The following CDK17 variants were observed in gnomAD, a reference collection of about 807,000 sequenced individuals.
CDK17 encodes cyclin-dependent kinase 17.
A neutral mutation model predicts 77.6 loss-of-function variants in CDK17; 24 were observed. That is an observed-to-expected ratio of 0.31 (90% CI 0.22 to 0.44). The LOEUF is 0.44. Among genes scored for constraint, CDK17 ranks in the 20% least tolerant of loss-of-function variants. The pLI, the probability that CDK17 is intolerant of heterozygous loss-of-function variation, is 1.00. For missense variants in CDK17, 429 were observed against 622.5 expected, an observed-to-expected ratio of 0.69 and a Z score of 3.31; for synonymous variants, 203 against 210.4, an observed-to-expected ratio of 0.96 and a Z score of 0.30.
chr12:96,344,136 A>G (rs1953163327), intron 1 of CDK17, among the ~76,000 whole-genome samples: 1 of 152,198 alleles, frequency 6.6e-6, no homozygotes. Context: ...AGGCAATTAA[A>G]ATTATCCAGT....
At chr12:96,282,770 C>T (rs984095926) in intron 14 of CDK17, among the ~76,000 whole-genome samples, 171 bp from the exon 15 acceptor site, 14 of 152,174 alleles carry the variant, frequency 9.2e-5, no homozygotes, top group African/African-American at 3.1e-4. Flanking sequence ...TAATTTGAGT[C>T]GCTGCTGAGA....
intron 1 of CDK17, among the ~76,000 whole-genome samples, chr12:96,352,604 T>G (rs1953328443): frequency 6.6e-6 from 1 of 152,128 alleles, no homozygotes; most frequent in Non-Finnish European, 1.5e-5. Context: ...ATACCAGTGG[T>G]AAACTAAAGA....
At chr12:96,352,591 C>G (rs1432060257) in intron 1 of CDK17, among the ~76,000 whole-genome samples, 1 of 152,166 alleles carries the variant, frequency 6.6e-6, no homozygotes, top group African/African-American at 2.4e-5. Context: ...TTCACAACAT[C>G]TGATACCAGT....
chr12:96,315,491 T>C (rs1022806890), intron 3 of CDK17, among the ~76,000 whole-genome samples: 6 of 152,204 alleles, frequency 3.9e-5, no homozygotes, highest in African/African-American at 1.2e-4. Context: ...AATGTATTGG[T>C]GATTGATTCC....
intron 1 of CDK17, among the ~76,000 whole-genome samples, chr12:96,365,227 T>A (rs1478968103): frequency 6.6e-6 from 1 of 152,212 alleles, no homozygotes; most frequent in Non-Finnish European, 1.5e-5. Context: ...AAGTTGATAA[T>A]TCATTCATCA....
chr12:96,307,307 G>A (rs894052952), intron 5 of CDK17, among the ~76,000 whole-genome samples: 22 of 151,936 alleles, frequency 1.4e-4, no homozygotes, highest in East Asian at 3.9e-4. Context: ...AAAAAAAAGC[G>A]GGGGAGGTAG....
chr12:96,338,181 A>G (rs1390148908), intron 1 of CDK17, among the ~76,000 whole-genome samples: 1 of 152,218 alleles, frequency 6.6e-6, no homozygotes, highest in African/African-American at 2.4e-5. Flanking sequence ...ATTTTCTTGC[A>G]CAACAAGACT....
intron 9 of CDK17, among the ~76,000 whole-genome samples, chr12:96,296,077 A>G (rs1262340816): frequency 1.3e-5 from 2 of 152,234 alleles, no homozygotes; most frequent in African/African-American, 4.8e-5. Flanking sequence ...CTCTAAAATT[A>G]CTATTTAAAT....
intron 5 of CDK17, among the ~76,000 whole-genome samples, chr12:96,301,295 A>C (rs1457418240): frequency 1.3e-5 from 2 of 151,566 alleles, no homozygotes; most frequent in African/African-American, 2.4e-5. Flanking sequence ...AAATGCTTTA[A>C]AAGTGAGTTC....
chr12:96,375,548 C>G (rs994206875), intron 1 of CDK17, among the ~76,000 whole-genome samples: 17 of 110,658 alleles, frequency 1.5e-4, no homozygotes, highest in Non-Finnish European at 2.4e-4. Flanking sequence ...GAGTTTTGCT[C>G]TTGTTGCCTA....
At chr12:96,355,061 CTG>C (rs1214121943) in intron 1 of CDK17, among the ~76,000 whole-genome samples, 1 of 152,148 alleles carries the variant, frequency 6.6e-6, no homozygotes, top group African/African-American at 2.4e-5. Context: ...ACTTACTAAA[CTG>C]TTAAACTCAA....
Position 96,334,827 on chromosome 12 carries a change from A to T in CDK17, c.10T>A (p.Phe4Ile). The T allele has an allele frequency of 6.4e-7, 1 of 1,568,812 alleles. No homozygotes were observed. The highest frequency in any genetic ancestry group is 8.8e-7 in the Non-Finnish European group (1 of 1,139,322). ...AGTGTGAGGGATAGCCTTCTCTTAAATTTTTTCATCCTATCAATTGAATGT... is the reference window on the plus strand; with the variant it reads ...AGTGTGAGGGATAGCCTTCTCTTAATTTTTTTCATCCTATCAATTGAATGT... MKK[F>I]KRRLSLTLRG... is the part of the protein sequence containing the mutation. The change falls in exon 2 of 17, where the codon TTT (phenylalanine) becomes ATT (isoleucine). Residue 4 changes from phenylalanine (F) to isoleucine (I), a missense_variant. Physicochemically the swap from Phe to Ile is conservative, Grantham distance 21. Transcript: ENST00000261211.
At chr12:96,374,007 T>C (rs1346603404) in intron 1 of CDK17, among the ~76,000 whole-genome samples, 1 of 152,190 alleles carries the variant, frequency 6.6e-6, no homozygotes, top group Non-Finnish European at 1.5e-5. Context: ...AATGCATGTA[T>C]TGTACCTAGC....
chr12:96,399,940 C>G (rs1195251068), intron 1 of CDK17, 46 bp downstream of exon 1: 2 of 365,632 alleles, frequency 5.5e-6, no homozygotes, highest in South Asian at 3.0e-4. Context: ...CGCGGCCGAC[C>G]CGACACCAGG....
chr12:96,314,351 G>T (rs959310454), intron 3 of CDK17, among the ~76,000 whole-genome samples: 1 of 151,614 alleles, frequency 6.6e-6, no homozygotes, highest in Non-Finnish European at 1.5e-5. Context: ...ATCACATCTG[G>T]TGTTTTGTTT....
chr12:96,314,100 T>C (rs753830390), intron 3 of CDK17, among the ~76,000 whole-genome samples: 9 of 152,146 alleles, frequency 5.9e-5, no homozygotes, highest in Non-Finnish European at 7.4e-5. Flanking sequence ...AAAAACATAC[T>C]ACAAAAAAGG....
intron 13 of CDK17, 103 bp downstream of exon 13, chr12:96,285,940 T>C (rs987910977): frequency 1.6e-6 from 1 of 610,766 alleles, no homozygotes; most frequent in African/African-American, 1.9e-5. Context: ...GTAAGGGTTA[T>C]GTGTATTATG....
At chr12:96,297,967 C>A (rs1952434725) in intron 7 of CDK17, among the ~76,000 whole-genome samples, 1 of 150,520 alleles carries the variant, frequency 6.6e-6, no homozygotes, top group Non-Finnish European at 1.5e-5. Context: ...AAGTTTAAAG[C>A]AATAATTTAC....
chr12:96,390,830 T>C (rs1954055979), intron 1 of CDK17, among the ~76,000 whole-genome samples: 1 of 150,700 alleles, frequency 6.6e-6, no homozygotes, highest in Non-Finnish European at 1.5e-5. Flanking sequence ...AGGCTGGGTG[T>C]GGCGGCTCAA....
Sources: gnomAD v4.1 joint callset for allele counts (sites outside exome capture counted in the v4.1 genomes callset) on GRCh38, gnomAD v4.1.1 for gene constraint, MANE v1.5 for transcripts, NCBI Gene and HGNC (gene_info 2026-07-23, HGNC 2026-07-21) for gene names.